The following CEBPZOS variants were observed in gnomAD, a reference collection of about 807,000 sequenced individuals.
CEBPZOS encodes the protein CEBPZ opposite strand.
In CEBPZOS, 10 loss-of-function variants were observed where a neutral mutation model predicts 4.8. The observed-to-expected ratio is 2.07, with a 90% CI of 1.28 to 3.52. CEBPZOS has a LOEUF of 3.52. CEBPZOS is among the 30% of genes most tolerant of loss of function. The probability of loss-of-function intolerance (pLI) is 0.00; values close to 1 mark genes in which losing one functional copy is unlikely to be tolerated. For missense variants in CEBPZOS, 98 were observed against 43.6 expected (o/e 2.25, Z -3.51); for synonymous variants, 25 against 14.2 (o/e 1.77, Z -1.72).
downstream of CEBPZOS, chr2:37,213,865 A>G (rs775048294): frequency 1.6e-5 from 25 of 1,596,810 alleles, no homozygotes; most frequent in African/African-American, 4.0e-5. Flanking sequence ...ACAAATTACC[A>G]ATCAGCTCTT....
At position 37,202,950 on chromosome 2, in the gene CEBPZOS, C is replaced by G. The variant is rs1243405629; in HGVS notation, c.*1090C>G. 2 of 1,586,154 alleles carry G rather than the reference C, an allele frequency of 1.3e-6. No individual in the cohort carries two copies. Among genetic ancestry groups the G allele is most frequent in the Non-Finnish European group, 8.6e-7 (1 of 1,167,914 alleles). ...TGTTAAAACAGTACATTAGCCTTAC[C>G]TCTTCAGCAGATACAAATAGGCTGG... On this transcript the variant is annotated 3_prime_UTR_variant, in exon 5 of 5. Coordinates refer to ENST00000402297, the MANE Select transcript of CEBPZOS (RefSeq NM_001322374.2).
chr2:37,205,849 A>T (rs186410441), downstream of CEBPZOS, among the ~76,000 whole-genome samples: 2 of 152,340 alleles, frequency 1.3e-5, no homozygotes, highest in African/African-American at 4.8e-5. Context: ...TTGTAAGATA[A>T]TACTTTTAAA....
downstream of CEBPZOS, chr2:37,213,807 T>C (rs893498091): frequency 1.3e-4 from 150 of 1,144,784 alleles, no homozygotes; most frequent in Non-Finnish European, 1.8e-4. Context: ...TAATGTTCCA[T>C]GGTCTATTAA....
chr2:37,201,940 A>C lies in CEBPZOS; in HGVS notation c.*80A>C. 1 of 1,582,280 alleles carries C rather than the reference A, an allele frequency of 6.3e-7. No individual in the cohort carries two copies. On this transcript the variant is annotated 3_prime_UTR_variant, in exon 5 of 5. Coordinates refer to ENST00000402297, the MANE Select transcript of CEBPZOS (RefSeq NM_001322374.2). ...GAAGAAAAGATGAGTGTACTACCAC[A>C]CTGTAGACTCTTGGTGGTCCCACAG... is the stretch of plus-strand genomic sequence containing the variant.
At chr2:37,201,836 G>T in intron 4 of CEBPZOS, 27 bp from the exon 5 acceptor site, 2 of 1,609,932 alleles carry the variant, frequency 1.2e-6, no homozygotes, top group South Asian at 1.1e-5. Context: ...TTTTCTTGAT[G>T]ATACTTTTTG....
intron 1 of CEBPZOS, 92 bp from the exon 2 acceptor site, chr2:37,199,612 A>G (rs1677111618): frequency 1.5e-6 from 1 of 656,708 alleles, no homozygotes; most frequent in African/African-American, 1.8e-5. Flanking sequence ...AAGCCATTCA[A>G]ACTGTGGGAA....
At chr2:37,212,040 C>T in intron 4 of CEBPZOS, 3 of 1,573,432 alleles carry the variant, frequency 1.9e-6, no homozygotes, top group Non-Finnish European at 2.6e-6. Flanking sequence ...TTTCACGTTT[C>T]TGGAAAAAAA....
In CEBPZOS at chr2:37,211,948, C is replaced by T. The variant is rs192503385; in HGVS notation, c.*3-1489C>T. 183 of 1,613,756 alleles carry T rather than the reference C, an allele frequency of 1.1e-4. 2 individuals carry two copies. The East Asian group carries it at 2.9e-3, about 25-fold the overall frequency. ...TCCATACTTCCTAAAGAAACTTCAT[C>T]GTCATCCAGGTTACCAAGTTCATCA... On this transcript the variant is annotated intron_variant, in intron 4 of 4. Coordinates refer to the CEBPZOS transcript ENST00000397064.
chr2:37,198,043 C>G (rs1442053173), intron 1 of CEBPZOS, among the ~76,000 whole-genome samples: 1 of 151,886 alleles, frequency 6.6e-6, no homozygotes, highest in Non-Finnish European at 1.5e-5. Flanking sequence ...GTCCCAGCTC[C>G]CAGCTACTGG....
chr2:37,205,922 G>T (rs74911265), downstream of CEBPZOS, among the ~76,000 whole-genome samples: 2 of 152,186 alleles, frequency 1.3e-5, no homozygotes, highest in East Asian at 1.9e-4. Context: ...ATGGATTATT[G>T]CAAGGGTCAA....
chr2:37,207,899 T>C (rs142195654), downstream of CEBPZOS, among the ~76,000 whole-genome samples: 6 of 152,102 alleles, frequency 3.9e-5, no homozygotes, highest in Non-Finnish European at 5.9e-5. Context: ...GGTAGACCAT[T>C]AGCAAGATTA....
chr2:37,213,336 G>C (rs1677785430), intron 4 of CEBPZOS: 1 of 152,824 alleles, frequency 6.5e-6, no homozygotes, highest in South Asian at 2.0e-4. Flanking sequence ...TTCTTATATA[G>C]ACTATCCAAA....
chr2:37,206,503 G>T (rs578102020), downstream of CEBPZOS, among the ~76,000 whole-genome samples: 4 of 152,268 alleles, frequency 2.6e-5, no homozygotes, highest in African/African-American at 7.2e-5. Flanking sequence ...GATTATAGGG[G>T]CTTACCAACA....
At position 37,213,028 on chromosome 2, in the gene CEBPZOS, CAG is replaced by C. The variant is rs369775279; in HGVS notation, c.*3-402_*3-401del. The stretch of plus-strand genomic sequence containing the variant: ...TGCCACTGCACTCCAGCCTGGGAGA[CAG>C]AGAGAGCCTGTCTCAAAACAAACAA... On this transcript the variant is annotated intron_variant, in intron 4 of 4. Coordinates refer to the CEBPZOS transcript ENST00000397064. Among the ~76,000 whole-genome samples, 265 of 152,070 alleles carry C rather than the reference CAG, an allele frequency of 1.7e-3. 1 individual carries two copies. Among genetic ancestry groups the C allele is most frequent in the Middle Eastern group, 0.01 (3 of 294 alleles).
At chr2:37,213,879 ATTC>A, downstream of CEBPZOS, 6 of 1,607,252 alleles carry the variant, frequency 3.7e-6, no homozygotes, top group Non-Finnish European at 5.1e-6. Flanking sequence ...AGCTCTTCAA[ATTC>A]TTCATCATCC....
downstream of CEBPZOS, chr2:37,216,113 T>C: frequency 6.5e-7 from 1 of 1,531,010 alleles, no homozygotes; most frequent in South Asian, 1.2e-5. Context: ...GTCTTTTCAG[T>C]TTCAACTGTC....
At chr2:37,207,371 G>A (rs1172894899), downstream of CEBPZOS, among the ~76,000 whole-genome samples, 1 of 152,152 alleles carries the variant, frequency 6.6e-6, no homozygotes, top group African/African-American at 2.4e-5. Flanking sequence ...CCAGCACACG[G>A]AGCATTCTCA....
At chr2:37,200,376 A>G (rs1013982459) in intron 2 of CEBPZOS, among the ~76,000 whole-genome samples, 6 of 152,202 alleles carry the variant, frequency 3.9e-5, no homozygotes, top group African/African-American at 1.2e-4. Context: ...CATGATAGCC[A>G]TCTTTGAAAC....
downstream of CEBPZOS, among the ~76,000 whole-genome samples, chr2:37,204,902 A>T (rs189012499): frequency 1.3e-4 from 20 of 152,228 alleles, no homozygotes; most frequent in East Asian, 2.5e-3. Flanking sequence ...ACATTAAAAA[A>T]TTTTTTTCTT....
Sources: allele counts gnomAD v4.1 joint callset (sites outside exome capture counted in the v4.1 genomes callset), GRCh38; gene constraint gnomAD v4.1.1; transcripts MANE v1.5; gene names NCBI Gene and HGNC (gene_info 2026-07-23, HGNC 2026-07-21).